Variants in GREB1L observed in about 807,000 individuals in gnomAD.
GREB1L encodes the protein GREB1 like retinoic acid receptor coactivator.
Under a neutral mutation model 200.8 loss-of-function variants are expected in GREB1L, and 17 were observed. That is an observed-to-expected ratio of 0.08 (90% CI 0.06 to 0.13). GREB1L has a LOEUF of 0.13. GREB1L is among the 10% of genes least tolerant of loss of function. The pLI is 1.00. For synonymous variants in GREB1L, 789 were observed against 893.0 expected, an observed-to-expected ratio of 0.88 and a Z score of 2.08; for missense variants, 1,657 against 2,367.7, an observed-to-expected ratio of 0.70 and a Z score of 6.23.
chr18:21,446,917 T>A (rs2034255128), intron 11 of GREB1L, among the ~76,000 whole-genome samples: 1 of 152,218 alleles, frequency 6.6e-6, no homozygotes, highest in Non-Finnish European at 1.5e-5. Context: ...TTGAAGTAGA[T>A]AATGAAATCA....
At chr18:21,255,850 G>A (rs988713755) in intron 1 of GREB1L, among the ~76,000 whole-genome samples, 21 of 152,164 alleles carry the variant, frequency 1.4e-4, no homozygotes, top group East Asian at 5.8e-4. Flanking sequence ...CCAAAACATC[G>A]AATATAAAAT....
intron 19 of GREB1L, among the ~76,000 whole-genome samples, chr18:21,491,518 G>A (rs2036332976): frequency 1.3e-5 from 2 of 151,954 alleles, no homozygotes; most frequent in Non-Finnish European, 2.9e-5. Context: ...GACCATCCTG[G>A]CTAACATGGT....
chr18:21,328,883 A>G (rs2039064478), intron 1 of GREB1L, among the ~76,000 whole-genome samples: 1 of 152,196 alleles, frequency 6.6e-6, no homozygotes, highest in South Asian at 2.1e-4. Context: ...GGTAGTCACC[A>G]TTATTATTAT....
rs536150614 is a variant in GREB1L at position 21,500,581 on chromosome 18, C to T, written c.4011C>T (p.Leu1337=). The change falls in exon 23 of 33, where the codon CTC becomes CTT. Residue 1337 remains leucine, a synonymous_variant. Transcript: ENST00000424526. ...CCTATTTACAGTTCCTCAGGATCCTCTTCCGCATGCTCATCAGGCTCCTGG... is the reference window on the plus strand; with the variant it reads ...CCTATTTACAGTTCCTCAGGATCCTTTTCCGCATGCTCATCAGGCTCCTGG... ...TGSYLQFLRI[L]FRMLIRLLEV... 1 of 1,551,374 alleles carries T rather than the reference C, an allele frequency of 6.4e-7. No individual in the cohort carries two copies. The highest frequency in any genetic ancestry group is 1.4e-5 in the African/African-American group (1 of 73,156).
chr18:21,249,275 C>T (rs1186447729), intron 1 of GREB1L, among the ~76,000 whole-genome samples: 1 of 152,078 alleles, frequency 6.6e-6, no homozygotes, highest in African/African-American at 2.4e-5. Context: ...GATGGGTTGA[C>T]TTTCACTAAA....
At chr18:21,411,179 A>C (rs1402444667) in intron 7 of GREB1L, among the ~76,000 whole-genome samples, 1 of 152,172 alleles carries the variant, frequency 6.6e-6, no homozygotes, top group Non-Finnish European at 1.5e-5. Context: ...AGTGAATTTA[A>C]GAATGACAAA....
intron 2 of GREB1L, among the ~76,000 whole-genome samples, chr18:21,374,850 CTTTTTTTTTT>C (rs535722957): frequency 7.7e-6 from 1 of 130,258 alleles, no homozygotes; most frequent in Non-Finnish European, 1.6e-5. Context: ...TTTCCTTTTC[CTTTTTTTTTT>C]TTTTTTTTTC....
rs1478444156 is a variant in GREB1L, at chr18:21,394,776, C to T, written c.356-609C>T. On this transcript the variant is annotated intron_variant, in intron 4 of 32. Transcript: ENST00000424526. ...TCGTATTACATGCACATAAAAACTA[C>T]GTGGTTTTCAAAGTTTGTTGTGTAT... 2.6e-5 allele frequency among the ~76,000 whole-genome samples: 4 copies of T among 151,954 alleles called. No homozygotes were observed. The South Asian group carries it at 6.2e-4, about 24-fold the overall frequency.
At chr18:21,406,058 TAAAA>T (rs34222462) in intron 7 of GREB1L, among the ~76,000 whole-genome samples, 1 of 124,890 alleles carries the variant, frequency 8.0e-6, no homozygotes. Flanking sequence ...AGACCCTGTC[TAAAA>T]AAAAAAAAAA....
At chr18:21,308,077 A>G (rs566676844) in intron 1 of GREB1L, among the ~76,000 whole-genome samples, 1 of 152,320 alleles carries the variant, frequency 6.6e-6, no homozygotes, top group East Asian at 1.9e-4. Flanking sequence ...ATCCCATCTG[A>G]TACAAATGAC....
chr18:21,507,439 G>A (rs1054999974), intron 25 of GREB1L, among the ~76,000 whole-genome samples: 2 of 152,110 alleles, frequency 1.3e-5, no homozygotes, highest in Non-Finnish European at 2.9e-5. Flanking sequence ...GAAAATTGAT[G>A]GTATCCTTTT....
chr18:21,368,290 A>G (rs2039747942), intron 2 of GREB1L, among the ~76,000 whole-genome samples: 1 of 152,232 alleles, frequency 6.6e-6, no homozygotes, highest in African/African-American at 2.4e-5. Flanking sequence ...AAACCTAAGT[A>G]TAGTGACTGA....
At chr18:21,267,215 C>A (rs1033601415) in intron 1 of GREB1L, among the ~76,000 whole-genome samples, 1 of 106,408 alleles carries the variant, frequency 9.4e-6, no homozygotes, top group Non-Finnish European at 1.8e-5. Flanking sequence ...TTTTTTGAGA[C>A]GGAGCACCCA....
At chr18:21,383,922 G>A (rs1598731960) in intron 3 of GREB1L, among the ~76,000 whole-genome samples, 2 of 151,882 alleles carry the variant, frequency 1.3e-5, no homozygotes, top group African/African-American at 2.4e-5. Flanking sequence ...CACCATGTTG[G>A]TCAGGCTGGT....
At chr18:21,477,614 G>T (rs1174580951) in intron 17 of GREB1L, among the ~76,000 whole-genome samples, 1 of 151,928 alleles carries the variant, frequency 6.6e-6, no homozygotes, top group South Asian at 2.1e-4. Context: ...GTGAAACCCC[G>T]TCTCTACTAA....
chr18:21,505,319 T>C, intron 23 of GREB1L, 93 bp from the exon 24 acceptor site: 4 of 1,189,568 alleles, frequency 3.4e-6, no homozygotes, highest in East Asian at 2.6e-5. Flanking sequence ...TGTCCACCCA[T>C]CTGGGCTCTA....
chr18:21,412,670 C>A (rs891173223), intron 7 of GREB1L, among the ~76,000 whole-genome samples: 1 of 152,174 alleles, frequency 6.6e-6, no homozygotes, highest in African/African-American at 2.4e-5. Flanking sequence ...GGGAAGAGCA[C>A]ACAGGAGGCT....
intron 1 of GREB1L, among the ~76,000 whole-genome samples, chr18:21,357,887 G>A (rs1262383385): frequency 3.3e-5 from 5 of 152,178 alleles, no homozygotes; most frequent in African/African-American, 9.7e-5. Flanking sequence ...ATTGAAATCA[G>A]GTAGTATGAT....
Position 21,477,325 on chromosome 18 carries a change from A to G in GREB1L, c.2525A>G (p.Asn842Ser), listed in dbSNP as rs1382213182. ...QTQQSRISSS[N>S]EVHWIQLDTG... ...CAACAGTCCCGCATTAGCTCTAGCA[A>G]TGAGGTTCACTGGATACAGCTGGAT... The change falls in exon 17 of 33, where the codon AAT (asparagine) becomes AGT (serine). Residue 842 changes from asparagine to serine, a missense_variant. Transcript: ENST00000424526. The G allele has an allele frequency of 6.4e-6, 10 of 1,551,258 alleles. No homozygotes were observed. The highest frequency in any genetic ancestry group is 8.7e-6 in the Non-Finnish European group (10 of 1,146,778).
Sources: allele counts gnomAD v4.1 joint callset (sites outside exome capture counted in the v4.1 genomes callset), GRCh38; gene constraint gnomAD v4.1.1; transcripts MANE v1.5; gene names NCBI Gene and HGNC (gene_info 2026-07-23, HGNC 2026-07-21).